The following TSHZ2 variants were observed in gnomAD, a reference collection of about 807,000 sequenced individuals.
The protein encoded by TSHZ2 is teashirt homolog 2.
A neutral mutation model predicts 74.4 loss-of-function variants in TSHZ2; 21 were observed. The observed-to-expected ratio is 0.28, with a 90% confidence interval of 0.20 to 0.41. The LOEUF (loss-of-function observed/expected upper bound fraction) is 0.41. TSHZ2 is among the 10% of genes least tolerant of loss of function. The pLI is 1.00. For missense variants in TSHZ2, 1,244 were observed against 1,293.5 expected (o/e 0.96, Z 0.59); for synonymous variants, 540 against 515.3 (o/e 1.05, Z -0.65).
rs576482565 is a variant in TSHZ2, at chr20:53,453,401, G to A, written c.*9-33743G>A. Among the ~76,000 whole-genome samples the A allele has an allele frequency of 6.0e-4, 91 of 152,254 alleles. 1 individual carries two copies. The highest frequency in any genetic ancestry group is 2.0e-3 in the African/African-American group (84 of 41,552). On this transcript the variant is annotated intron_variant, in intron 2 of 2. Coordinates refer to ENST00000371497, the MANE Select transcript of TSHZ2 (RefSeq NM_173485.6). The stretch of plus-strand genomic sequence containing the variant: ...CAAATATGTGGTGAAATTGATGACT[G>A]GGCCCTGATTTATAGAAACAACAAC...
At chr20:53,377,312 C>A (rs1459693391) in intron 2 of TSHZ2, among the ~76,000 whole-genome samples, 2 of 152,204 alleles carry the variant, frequency 1.3e-5, no homozygotes. Flanking sequence ...TAAGTACTTT[C>A]TTCTTGTGAC....
At chr20:52,976,830 A>G (rs1207780114) in intron 1 of TSHZ2, among the ~76,000 whole-genome samples, 1 of 152,176 alleles carries the variant, frequency 6.6e-6, no homozygotes, top group African/African-American at 2.4e-5. Flanking sequence ...GCCCACCCAA[A>G]GCAATTAGAT....
At chr20:53,434,398 A>C (rs1391438092) in intron 2 of TSHZ2, among the ~76,000 whole-genome samples, 1 of 152,192 alleles carries the variant, frequency 6.6e-6, no homozygotes, top group Non-Finnish European at 1.5e-5. Context: ...TTTGCTTTTA[A>C]GGTGCTGACA....
chr20:53,050,129 A>ATATATATACG (rs1984392430), intron 1 of TSHZ2, among the ~76,000 whole-genome samples: 1 of 74,090 alleles, frequency 1.3e-5, no homozygotes, highest in African/African-American at 1.4e-4. Flanking sequence ...ATATATACAC[A>ATATATATACG]TATATATATG....
At chr20:53,087,490 T>A (rs1045805886) in intron 1 of TSHZ2, among the ~76,000 whole-genome samples, 1 of 152,190 alleles carries the variant, frequency 6.6e-6, no homozygotes. Flanking sequence ...AAGCCCCCAG[T>A]CTTCACTTTT....
intron 2 of TSHZ2, among the ~76,000 whole-genome samples, chr20:53,474,095 C>G (rs1459715524): frequency 6.7e-6 from 1 of 150,110 alleles, no homozygotes; most frequent in African/African-American, 2.5e-5. Flanking sequence ...AGGATATTAT[C>G]CAGGAGAACT....
intron 1 of TSHZ2, among the ~76,000 whole-genome samples, chr20:53,084,759 T>G (rs1203571071): frequency 6.7e-6 from 1 of 149,346 alleles, no homozygotes; most frequent in African/African-American, 2.5e-5. Context: ...TAAGCACCTA[T>G]TCTGTATTTT....
intron 2 of TSHZ2, among the ~76,000 whole-genome samples, chr20:53,394,180 C>G (rs1459829072): frequency 6.6e-6 from 1 of 152,132 alleles, no homozygotes; most frequent in African/African-American, 2.4e-5. Context: ...AAGGATAGAC[C>G]TGCTATCTCA....
chr20:53,254,355 T>G lies in TSHZ2; in HGVS notation c.897T>G (p.His299Gln). 6.2e-7 allele frequency: 1 copy of G among 1,614,102 alleles called. No individual in the cohort carries two copies. Among genetic ancestry groups the G allele is most frequent in the South Asian group, 1.1e-5 (1 of 91,074 alleles). Residue 299 changes from histidine (H) to glutamine (Q), a missense_variant, in exon 2 of 3, where the codon CAT becomes CAG. By Grantham distance (24) the His-to-Gln change is conservative. This residue lies in a region of TSHZ2 where 470 missense variants were observed against 456.5 expected (regional missense o/e 1.03). Transcript: ENST00000371497. ...DLSVHMIKTK[H>Q]YQKVPLKEPV... ...GCGTCCACATGATTAAAACAAAACA[T>G]TACCAAAAAGTGCCTTTGAAGGAGC...
intron 1 of TSHZ2, among the ~76,000 whole-genome samples, chr20:53,132,847 T>G (rs1987141818): frequency 6.6e-6 from 1 of 152,162 alleles, no homozygotes. Context: ...GATTTTATGT[T>G]CCCTCTGGCT....
chr20:53,358,644 C>T (rs1980940984), intron 2 of TSHZ2, among the ~76,000 whole-genome samples: 4 of 152,102 alleles, frequency 2.6e-5, no homozygotes, highest in African/African-American at 4.8e-5. Flanking sequence ...TGCACCCAGC[C>T]GTTCTTCATC....
rs1218196126 is a variant in TSHZ2 at position 53,488,376 on chromosome 20, A to T, written c.*1241A>T. ...GGAATACTGTATTACACAGATTAAA[A>T]TCAGGTCCTAAGTCAACTTGGAAGA... is the stretch of plus-strand genomic sequence containing the variant. On this transcript the variant is annotated 3_prime_UTR_variant, in exon 3 of 3. Transcript: ENST00000371497. The T allele has an allele frequency of 6.6e-6, 1 of 152,614 alleles. No homozygotes were observed. The highest frequency in any genetic ancestry group is 1.5e-5 in the Non-Finnish European group (1 of 68,354). 9.5% of individuals were successfully genotyped at this position (152,614 alleles called of 1,614,324 possible).
chr20:52,985,384 G>A (rs1485121509), intron 1 of TSHZ2, among the ~76,000 whole-genome samples: 5 of 152,094 alleles, frequency 3.3e-5, no homozygotes, highest in Non-Finnish European at 7.4e-5. Flanking sequence ...TGAAGAAAAT[G>A]GTGAATGGTA....
intron 1 of TSHZ2, among the ~76,000 whole-genome samples, chr20:53,079,852 G>T (rs1359399702): frequency 5.3e-5 from 8 of 150,776 alleles, no homozygotes; most frequent in African/African-American, 2.0e-4. Context: ...TTGCAGAAGA[G>T]ATCCTGAGGT....
chr20:53,408,027 T>C (rs1189459548), intron 2 of TSHZ2, among the ~76,000 whole-genome samples: 1 of 152,140 alleles, frequency 6.6e-6, no homozygotes, highest in Non-Finnish European at 1.5e-5. Flanking sequence ...GCCACCCTGA[T>C]TTAAGGGGTT....
At chr20:53,298,395 G>A (rs1991421598) in intron 2 of TSHZ2, among the ~76,000 whole-genome samples, 1 of 152,236 alleles carries the variant, frequency 6.6e-6, no homozygotes, top group Admixed American at 6.5e-5. Flanking sequence ...TAAGTTGGAT[G>A]GATGGACTAT....
intron 1 of TSHZ2, among the ~76,000 whole-genome samples, chr20:53,166,943 A>G (rs531457651): frequency 1.3e-5 from 2 of 152,346 alleles, no homozygotes; most frequent in South Asian, 4.1e-4. Context: ...ATAATGTAAT[A>G]GTGAATGACT....
intron 2 of TSHZ2, among the ~76,000 whole-genome samples, chr20:53,419,497 G>A (rs1398773795): frequency 6.6e-6 from 1 of 152,198 alleles, no homozygotes; most frequent in Non-Finnish European, 1.5e-5. Context: ...ACAGCCCTAA[G>A]TGGAGGGTCC....
chr20:53,411,841 A>T (rs993909051), intron 2 of TSHZ2, among the ~76,000 whole-genome samples: 43 of 152,296 alleles, frequency 2.8e-4, no homozygotes, highest in African/African-American at 1.0e-3. Context: ...AAAATAAAAT[A>T]AAATAAAAAA....
Sources: allele counts gnomAD v4.1 joint callset (sites outside exome capture counted in the v4.1 genomes callset), GRCh38; gene constraint gnomAD v4.1.1; regional missense constraint gnomAD v4.1.1; transcripts MANE v1.5; gene names NCBI Gene and HGNC (gene_info 2026-07-23, HGNC 2026-07-21).